The following SAMSN1 variants were observed in gnomAD, a reference collection of about 807,000 sequenced individuals.
The protein encoded by SAMSN1 is SAM domain, SH3 domain and nuclear localization signals 1.
In SAMSN1, 31 loss-of-function variants were observed where a neutral mutation model predicts 42.0. That is an observed-to-expected ratio of 0.74 (90% CI 0.55 to 1.00). The LOEUF (loss-of-function observed/expected upper bound fraction) is 1.00, where lower values mean the gene tolerates loss of function less well. Among genes scored for constraint, SAMSN1 ranks in the 50% least tolerant of loss-of-function variants. SAMSN1 has a pLI of 0.00. For synonymous variants in SAMSN1, 178 were observed against 151.9 expected, an observed-to-expected ratio of 1.17 and a Z score of -1.26; for missense variants, 464 against 439.4, an observed-to-expected ratio of 1.06 and a Z score of -0.50.
chr21:14,583,702 C>G, upstream of SAMSN1: 2 of 717,564 alleles, frequency 2.8e-6, no homozygotes, highest in East Asian at 5.4e-5. Context: ...CTCTGGCTTT[C>G]TTAGTCCAAA....
chr21:14,502,549 T>C (rs963402045), intron 5 of SAMSN1, among the ~76,000 whole-genome samples: 1 of 152,192 alleles, frequency 6.6e-6, no homozygotes, highest in African/African-American at 2.4e-5. Flanking sequence ...GAATTCCTGT[T>C]GTGTCCTGTA....
At chr21:14,599,270 G>T (rs1319520786) in intron 6 of SAMSN1, among the ~76,000 whole-genome samples, 1 of 152,070 alleles carries the variant, frequency 6.6e-6, no homozygotes, top group South Asian at 2.1e-4. Context: ...GGATCATGGA[G>T]GCAGTTTCCC....
intron 2 of SAMSN1, among the ~76,000 whole-genome samples, chr21:14,552,453 A>G (rs1600926243): frequency 6.6e-6 from 1 of 152,086 alleles, no homozygotes; most frequent in African/African-American, 2.4e-5. Context: ...TATGGATTGC[A>G]TTAGTGCCCT....
intron 1 of SAMSN1, among the ~76,000 whole-genome samples, chr21:14,539,641 A>T (rs149004887): frequency 0.011 from 1,600 of 152,144 alleles, 24 homozygotes; most frequent in African/African-American, 0.032. Context: ...ATGAAATAAA[A>T]GAAGATACAA....
chr21:14,558,929 A>T (rs151000293), intron 2 of SAMSN1, among the ~76,000 whole-genome samples: 2 of 152,190 alleles, frequency 1.3e-5, no homozygotes, highest in Non-Finnish European at 2.9e-5. Context: ...TTTTCTACCG[A>T]CTCAGCTCCT....
chr21:14,632,311 C>T (rs1357128424), intron 2 of SAMSN1, among the ~76,000 whole-genome samples: 1 of 151,846 alleles, frequency 6.6e-6, no homozygotes, highest in African/African-American at 2.4e-5. Flanking sequence ...CTCTCTATAA[C>T]CTGTAGTATA....
chr21:14,502,003 C>T lies in SAMSN1; in HGVS notation c.562-1268G>A, dbSNP rs1310926138. ...TGCCTATGTTCAAGAGTTATAGTTC[C>T]TCCTTTGAGACTTAAAACTTTCTGC... On this transcript the variant is annotated intron_variant, in intron 5 of 7. Transcript: ENST00000400566. Among the ~76,000 whole-genome samples, 6 of 152,150 alleles carry T rather than the reference C, an allele frequency of 3.9e-5. No homozygotes were observed. The East Asian group carries it at 9.6e-4, about 24-fold the overall frequency.
At chr21:14,542,084 C>T (rs1980081861) in intron 1 of SAMSN1, among the ~76,000 whole-genome samples, 1 of 152,006 alleles carries the variant, frequency 6.6e-6, no homozygotes, top group African/African-American at 2.4e-5. Context: ...TGTGTGGACG[C>T]CTAGAGAGAT....
chr21:14,517,444 T>C (rs1228223446), intron 2 of SAMSN1, among the ~76,000 whole-genome samples: 2 of 152,238 alleles, frequency 1.3e-5, no homozygotes, highest in African/African-American at 2.4e-5. Context: ...AGATAGGCTG[T>C]AGCATCTATC....
intron 5 of SAMSN1, among the ~76,000 whole-genome samples, chr21:14,606,072 C>T (rs1982561926): frequency 6.6e-6 from 1 of 152,066 alleles, no homozygotes; most frequent in African/African-American, 2.4e-5. Context: ...GATCTCCTGA[C>T]CTCATGATCC....
intron 1 of SAMSN1, among the ~76,000 whole-genome samples, chr21:14,650,605 C>T (rs1193788524): frequency 2.0e-5 from 3 of 151,492 alleles, no homozygotes; most frequent in Non-Finnish European, 4.4e-5. Flanking sequence ...ATGAACAACC[C>T]AACAATGCAT....
intron 1 of SAMSN1, among the ~76,000 whole-genome samples, chr21:14,540,989 G>A (rs1302790760): frequency 6.6e-6 from 1 of 152,120 alleles, no homozygotes; most frequent in Non-Finnish European, 1.5e-5. Context: ...TAGGGACATG[G>A]ATGAAGCTGG....
At chr21:14,583,508 G>A (rs1483045969), upstream of SAMSN1, 1 of 589,368 alleles carries the variant, frequency 1.7e-6, no homozygotes, top group East Asian at 2.9e-5. Context: ...GGGGATGTCT[G>A]TTTTAAAATA....
At chr21:14,512,611 G>T (rs1162627741) in intron 3 of SAMSN1, 38 bp from the exon 4 acceptor site, 1 of 1,603,224 alleles carries the variant, frequency 6.2e-7, no homozygotes, top group Non-Finnish European at 8.5e-7. Flanking sequence ...ACAGAGAGAA[G>T]ATTTCCACAG....
chr21:14,567,029 T>TG (rs1981143944), intron 2 of SAMSN1, among the ~76,000 whole-genome samples: 1 of 152,152 alleles, frequency 6.6e-6, no homozygotes, highest in Non-Finnish European at 1.5e-5. Context: ...TCTTTGATCC[T>TG]CTGACAGAGG....
intron 7 of SAMSN1, among the ~76,000 whole-genome samples, chr21:14,494,173 C>T (rs1986812191): frequency 6.6e-6 from 1 of 152,134 alleles, no homozygotes. Context: ...AGATCTAGAA[C>T]CAGAAATACC....
At chr21:14,558,034 A>T (rs896693108) in intron 2 of SAMSN1, among the ~76,000 whole-genome samples, 1 of 152,180 alleles carries the variant, frequency 6.6e-6, no homozygotes, top group African/African-American at 2.4e-5. Flanking sequence ...TTCTCCAATC[A>T]AACACATATA....
intron 2 of SAMSN1, among the ~76,000 whole-genome samples, chr21:14,567,766 G>A (rs955708222): frequency 9.2e-5 from 14 of 151,830 alleles, no homozygotes; most frequent in Admixed American, 6.6e-4. Flanking sequence ...GACTGAAACC[G>A]CAGCTCAGCC....
chr21:14,505,941 A>G (rs1032461060), intron 5 of SAMSN1, among the ~76,000 whole-genome samples: 1 of 152,174 alleles, frequency 6.6e-6, no homozygotes, highest in Non-Finnish European at 1.5e-5. Flanking sequence ...TTAACTGCAA[A>G]AGGAACCTTC....
Sources: gnomAD v4.1 joint callset for allele counts (sites outside exome capture counted in the v4.1 genomes callset) on GRCh38, gnomAD v4.1.1 for gene constraint, MANE v1.5 for transcripts, NCBI Gene and HGNC (gene_info 2026-07-23, HGNC 2026-07-21) for gene names.